Variants in CDK12 observed in about 807,000 individuals in gnomAD.
The protein encoded by CDK12 is cyclin-dependent kinase 12.
In CDK12, 17 loss-of-function variants were observed where a neutral mutation model predicts 133.8. The ratio of observed to expected loss-of-function variants is 0.13; its 90% CI spans 0.09 to 0.19. The LOEUF is 0.19. Ranked by LOEUF, CDK12 falls within the 10% of genes least tolerant of loss-of-function variation. The pLI is 1.00. For missense variants in CDK12, 1,508 were observed against 1,818.7 expected (o/e 0.83, Z 3.11); for synonymous variants, 694 against 683.6 (o/e 1.02, Z -0.24).
rs373854055 is a variant in CDK12, at chr17:39,518,323, C to G, written c.2963+767C>G. 2.7e-5 allele frequency among the ~76,000 whole-genome samples: 4 copies of G among 150,038 alleles called. No homozygotes were observed. In the South Asian group the frequency reaches 6.3e-4, roughly 24 times the overall value. Reference sequence around the variant, plus strand: ...CTGGGACCACAGGCACCCGCCACCACACCTGGCATTTTTTTTTTTTCCGTG... The same window carrying G: ...CTGGGACCACAGGCACCCGCCACCAGACCTGGCATTTTTTTTTTTTCCGTG... On this transcript the variant is annotated intron_variant, in intron 10 of 13. Coordinates refer to ENST00000447079, the MANE Select transcript of CDK12 (RefSeq NM_016507.4).
At chr17:39,474,092 A>G (rs1393662188) in intron 2 of CDK12, among the ~76,000 whole-genome samples, 1 of 152,110 alleles carries the variant, frequency 6.6e-6, no homozygotes, top group Non-Finnish European at 1.5e-5. Context: ...ATATCTTGAC[A>G]GGACTAACTA....
rs1476963644 is a variant in CDK12 at position 39,531,804 on chromosome 17, GCT to G, written c.*491_*492del. 2.1e-5 allele frequency: 5 copies of G among 234,352 alleles called. No homozygotes were observed. Among genetic ancestry groups the G allele is most frequent in the Non-Finnish European group, 4.2e-5 (5 of 118,568 alleles). 14.5% of individuals were successfully genotyped at this position (234,352 alleles called of 1,614,324 possible). On this transcript the variant is annotated 3_prime_UTR_variant, in exon 14 of 14. Coordinates refer to ENST00000447079, the MANE Select transcript of CDK12 (RefSeq NM_016507.4). ...GAATAGTGTTCACAAAATTTGAGCTGCTCTTTGGCTTTTGCTATAAGGGAAAC... is the reference window on the plus strand; with the variant it reads ...GAATAGTGTTCACAAAATTTGAGCTGCTTTGGCTTTTGCTATAAGGGAAAC...
At chr17:39,563,997 G>A (rs2056484708) in intron 3 of CDK12, among the ~76,000 whole-genome samples, 1 of 152,260 alleles carries the variant, frequency 6.6e-6, no homozygotes, top group Non-Finnish European at 1.5e-5. Flanking sequence ...GGTGGCCAAG[G>A]GGCACAAAAA....
chr17:39,563,220 A>C (rs927168716), intron 3 of CDK12, among the ~76,000 whole-genome samples: 3 of 151,614 alleles, frequency 2.0e-5, no homozygotes, highest in Non-Finnish European at 4.4e-5. Context: ...TACACACAAC[A>C]TGCCTGGGCC....
chr17:39,522,118 A>G (rs1044411895), intron 11 of CDK12, among the ~76,000 whole-genome samples: 1 of 149,736 alleles, frequency 6.7e-6, no homozygotes, highest in Non-Finnish European at 1.5e-5. Context: ...TTTTGTTATT[A>G]TTTTTTTTGA....
intron 5 of CDK12, among the ~76,000 whole-genome samples, chr17:39,495,299 C>T (rs1057419383): frequency 1.3e-4 from 19 of 150,296 alleles, no homozygotes; most frequent in Non-Finnish European, 8.9e-5. Context: ...GCTGGTCTCA[C>T]ACTCCTGACC....
intron 10 of CDK12, among the ~76,000 whole-genome samples, chr17:39,518,316 G>C (rs538853938): frequency 8.8e-4 from 134 of 151,438 alleles, no homozygotes; most frequent in African/African-American, 3.0e-3. Flanking sequence ...ACAGGCACCC[G>C]CCACCACACC....
At chr17:39,483,130 C>T (rs1340271509) in intron 2 of CDK12, among the ~76,000 whole-genome samples, 1 of 151,758 alleles carries the variant, frequency 6.6e-6, no homozygotes, top group Non-Finnish European at 1.5e-5. Context: ...TCAGGCTGGT[C>T]TCGAACTCCT....
chr17:39,532,094 CTCTCTCTT>C lies in CDK12; in HGVS notation c.*786_*793del, dbSNP rs1349345220. The C allele has an allele frequency of 2.1e-5, 4 of 189,256 alleles. No individual in the cohort carries two copies. The highest frequency in any genetic ancestry group is 1.3e-4 in the East Asian group (2 of 14,890). 11.7% of individuals were successfully genotyped at this position (189,256 alleles called of 1,614,324 possible). A position where few individuals can be genotyped will look rare whatever the true frequency, so the allele number is the denominator to read the frequency against. Reference sequence around the variant, plus strand: ...CCTTTTTTGCTGATGTGTGCTCTCTCTCTCTCTTTCTCTCTCTCTCTCTCTCTCTCTCT... The same window carrying C: ...CCTTTTTTGCTGATGTGTGCTCTCTCTCTCTCTCTCTCTCTCTCTCTCTCT... On this transcript the variant is annotated 3_prime_UTR_variant, in exon 14 of 14. Coordinates refer to ENST00000447079, the MANE Select transcript of CDK12 (RefSeq NM_016507.4).
Position 39,524,677 on chromosome 17 carries a change from C to T in CDK12, c.3099C>T (p.Leu1033=), listed in dbSNP as rs759940917. 3 of 1,613,808 alleles carry T rather than the reference C, an allele frequency of 1.9e-6. No individual in the cohort carries two copies. The East Asian group carries it at 6.7e-5, about 36-fold the overall frequency. ...VELSKMAPPD[L]PHWQDCHELW... ...CCTTTGCTTTGTCTTTTTCCAGCCT[C>T]CCCCACTGGCAGGATTGCCATGAGT... Residue 1033 remains leucine, a synonymous_variant, in exon 12 of 14, where the codon CTC becomes CTT. Transcript: ENST00000447079.
rs140413718 is a variant in CDK12, at chr17:39,461,532, GGAGA to G, written c.-536_-533del. The G allele has an allele frequency of 9.4e-4, 229 of 244,166 alleles. 1 individual carries two copies. The highest frequency in any genetic ancestry group is 1.3e-3 in the Non-Finnish European group (158 of 123,334). The allele number at this position is 244,166 out of a possible 1,614,324, so 15.1% of individuals were successfully genotyped here. A position where few individuals can be genotyped will look rare whatever the true frequency, so the allele number is the denominator to read the frequency against. ...TAGTGTGTGACTGGGTCTGTGTGAGGGAGAGAGTGTGTGTGGTGTGGAGGTGAAA... is the reference window on the plus strand; with the variant it reads ...TAGTGTGTGACTGGGTCTGTGTGAGGGAGTGTGTGTGGTGTGGAGGTGAAA... On this transcript the variant is annotated 5_prime_UTR_variant, in exon 1 of 14. Coordinates refer to ENST00000447079, the MANE Select transcript of CDK12 (RefSeq NM_016507.4).
chr17:39,524,791 C>T lies in CDK12; in HGVS notation c.3213C>T (p.Thr1071=). 6.2e-7 allele frequency: 1 copy of T among 1,614,206 alleles called. No homozygotes were observed. Among genetic ancestry groups the T allele is most frequent in the Non-Finnish European group, 8.5e-7 (1 of 1,180,034 alleles). ...PPSKTSRKET[T]SGTSTEPVKN... ...CCAAAACTTCTCGAAAAGAAACTACCTCAGGGACAAGTACTGAGCCTGTGA... is the reference window on the plus strand; with the variant it reads ...CCAAAACTTCTCGAAAAGAAACTACTTCAGGGACAAGTACTGAGCCTGTGA... Residue 1071 remains threonine, a synonymous_variant, in exon 12 of 14, where the codon ACC becomes ACT. Coordinates refer to ENST00000447079, the MANE Select transcript of CDK12 (RefSeq NM_016507.4).
Position 39,462,175 on chromosome 17 carries a change from G to A in CDK12, c.104G>A (p.Arg35His), listed in dbSNP as rs2144849716. Residue 35 changes from arginine to histidine, a missense_variant, in exon 1 of 14, where the codon CGT (arginine) becomes CAT (histidine). This residue lies in a region of CDK12 where 460 missense variants were observed against 490.8 expected (regional missense o/e 0.94). Coordinates refer to ENST00000447079, the MANE Select transcript of CDK12 (RefSeq NM_016507.4). ...SGGGSSNSRE[R>H]HRLVSKHKRH... ...GGCGGCAGCTCTAACAGCAGAGAGC[G>A]TCACCGCTTGGTATCGAAGCACAAG... 6.2e-7 allele frequency: 1 copy of A among 1,614,216 alleles called. No homozygotes were observed. Among genetic ancestry groups the A allele is most frequent in the Non-Finnish European group, 8.5e-7 (1 of 1,180,032 alleles).
chr17:39,538,904 A>AATAAATACATACATACATAC (rs778096927), downstream of CDK12, among the ~76,000 whole-genome samples: 1 of 144,886 alleles, frequency 6.9e-6, no homozygotes, highest in East Asian at 2.1e-4. Flanking sequence ...ATCTCAAATA[A>AATAAATACATACATACATAC]ATACATACAT....
chr17:39,544,301 C>T (rs188821783), upstream of CDK12: 2 of 489,656 alleles, frequency 4.1e-6, no homozygotes, highest in Admixed American at 4.6e-5. Context: ...GTCCATCAGT[C>T]ACCTCTCACC....
At chr17:39,566,593 C>T (rs149642850), downstream of CDK12, among the ~76,000 whole-genome samples, 53 of 152,306 alleles carry the variant, frequency 3.5e-4, no homozygotes, top group East Asian at 8.1e-3. Context: ...CTTCTCTGCA[C>T]CTCTTCCAAC....
intron 2 of CDK12, among the ~76,000 whole-genome samples, chr17:39,476,712 T>C (rs12450970): frequency 6.1e-5 from 1 of 16,318 alleles, no homozygotes; most frequent in African/African-American, 1.4e-4. Flanking sequence ...CATGCCTGCC[T>C]TTTTTTTTTT....
At chr17:39,529,839 T>C (rs1401019775) in intron 13 of CDK12, 1 of 149,308 alleles carries the variant, frequency 6.7e-6, no homozygotes, top group Non-Finnish European at 1.5e-5. Context: ...CAACAGTTCA[T>C]TCTGCATGAC....
intron 11 of CDK12, among the ~76,000 whole-genome samples, chr17:39,521,935 A>G (rs1303746602): frequency 2.0e-5 from 3 of 151,652 alleles, no homozygotes; most frequent in Non-Finnish European, 4.4e-5. Context: ...TCCTGGGCTC[A>G]AGTGATTCTC....
Sources: allele counts gnomAD v4.1 joint callset (sites outside exome capture counted in the v4.1 genomes callset), GRCh38; gene constraint gnomAD v4.1.1; regional missense constraint gnomAD v4.1.1; transcripts MANE v1.5; gene names NCBI Gene and HGNC (gene_info 2026-07-23, HGNC 2026-07-21).